IKZF2: variants seen among roughly 807,000 people sequenced by gnomAD.
IKZF2 encodes zinc finger protein Helios.
In IKZF2, 15 loss-of-function variants were observed where a neutral mutation model predicts 49.2. The ratio of observed to expected loss-of-function variants is 0.30; its 90% confidence interval spans 0.20 to 0.47. The LOEUF (loss-of-function observed/expected upper bound fraction) is 0.47, where lower values mean the gene tolerates loss of function less well. Ranked by LOEUF, IKZF2 falls within the 20% of genes least tolerant of loss-of-function variation. IKZF2 has a pLI of 1.00. For synonymous variants in IKZF2, 227 were observed against 221.4 expected, an observed-to-expected ratio of 1.03 and a Z score of -0.23; for missense variants, 567 against 664.6, an observed-to-expected ratio of 0.85 and a Z score of 1.61.
intron 6 of IKZF2, among the ~76,000 whole-genome samples, chr2:213,029,054 T>G (rs540572308): frequency 1.1e-4 from 17 of 152,184 alleles, no homozygotes; most frequent in Admixed American, 5.2e-4. Context: ...TTTTTATATA[T>G]TCCAGATTCA....
At chr2:213,150,721 A>AAGG (rs2061257009) in intron 1 of IKZF2, among the ~76,000 whole-genome samples, 1 of 83,802 alleles carries the variant, frequency 1.2e-5, no homozygotes, top group African/African-American at 4.9e-5. Context: ...GGGCGGGTAG[A>AAGG]GGGGAGGGAC....
chr2:213,016,746 G>T lies in IKZF2; in HGVS notation c.713-2812C>A, dbSNP rs541684286. ...CATTAGATCACTGTTTCATCACGTT[G>T]ATAACCATAACGGCAAAACCATAAG... On this transcript the variant is annotated intron_variant, in intron 7 of 8. Transcript: ENST00000434687. Among the ~76,000 whole-genome samples the T allele has an allele frequency of 1.3e-4, 20 of 152,188 alleles. No homozygotes were observed. In the South Asian group the frequency reaches 4.1e-3, roughly 32 times the overall value.
chr2:213,105,067 G>C (rs919327591), intron 4 of IKZF2, among the ~76,000 whole-genome samples: 1 of 152,022 alleles, frequency 6.6e-6, no homozygotes, highest in South Asian at 2.1e-4. Flanking sequence ...TCTCAAAGGA[G>C]CTCATTGCTT....
At chr2:213,076,556 G>A (rs1421227568) in intron 4 of IKZF2, among the ~76,000 whole-genome samples, 1 of 152,020 alleles carries the variant, frequency 6.6e-6, no homozygotes, top group Non-Finnish European at 1.5e-5. Context: ...AACTCCAAAC[G>A]TAAATTCATA....
intron 6 of IKZF2, among the ~76,000 whole-genome samples, chr2:213,023,098 C>T (rs1697404343): frequency 6.6e-6 from 1 of 152,144 alleles, no homozygotes; most frequent in Admixed American, 6.6e-5. Context: ...CCAAAGCCCT[C>T]AATAGTAAAG....
Position 213,007,131 on chromosome 2 carries a change from C to A in IKZF2, c.*229G>T, listed in dbSNP as rs1228509752. ...CTTAAATTCCCACAAAATAAACAAG[C>A]CAGGTGATAAAGAAACAATATTCCC... is the stretch of plus-strand genomic sequence containing the variant. On this transcript the variant is annotated 3_prime_UTR_variant, in exon 9 of 9. Coordinates refer to ENST00000434687, the MANE Select transcript of IKZF2 (RefSeq NM_001387220.1). 14 of 441,220 alleles carry A rather than the reference C, an allele frequency of 3.2e-5. No individual in the cohort carries two copies. In the East Asian group the frequency reaches 4.3e-4, roughly 14 times the overall value. 27.3% of individuals were successfully genotyped at this position (441,220 alleles called of 1,614,324 possible). A position where few individuals can be genotyped will look rare whatever the true frequency, so the allele number is the denominator to read the frequency against.
intron 1 of IKZF2, chr2:213,150,455 C>CCCTCCTCCTCCT (rs3217488): frequency 6.8e-4 from 126 of 186,310 alleles, no homozygotes; most frequent in South Asian, 4.4e-3. Context: ...AAGAACACCC[C>CCCTCCTCCTCCT]CCTCCTCCTC....
chr2:213,077,779 G>C (rs572484967), intron 4 of IKZF2, among the ~76,000 whole-genome samples: 23 of 151,702 alleles, frequency 1.5e-4, no homozygotes, highest in African/African-American at 5.6e-4. Context: ...TAGTAGAGAC[G>C]GGGTTTCACC....
intron 4 of IKZF2, among the ~76,000 whole-genome samples, chr2:213,122,871 C>T (rs933368937): frequency 3.3e-5 from 5 of 152,208 alleles, no homozygotes; most frequent in African/African-American, 1.2e-4. Flanking sequence ...TCAGCTCCTC[C>T]TCAAATGTTC....
At chr2:213,146,019 GA>G in intron 4 of IKZF2, among the ~76,000 whole-genome samples, 1 of 152,056 alleles carries the variant, frequency 6.6e-6, no homozygotes, top group East Asian at 1.9e-4. Flanking sequence ...ATCAAATTCA[GA>G]AATAAAGCAG....
intron 4 of IKZF2, among the ~76,000 whole-genome samples, chr2:213,086,751 G>T (rs1021349678): frequency 2.0e-5 from 3 of 152,158 alleles, no homozygotes; most frequent in Non-Finnish European, 4.4e-5. Flanking sequence ...ATGGGTAAAG[G>T]AATGGCACAT....
At chr2:213,025,162 C>T (rs1292703317) in intron 6 of IKZF2, among the ~76,000 whole-genome samples, 2 of 152,080 alleles carry the variant, frequency 1.3e-5, no homozygotes, top group Admixed American at 6.6e-5. Context: ...CCTGTTTTAG[C>T]GTCTGAGATC....
chr2:213,019,073 A>G (rs1299998228), intron 7 of IKZF2, among the ~76,000 whole-genome samples: 1 of 152,174 alleles, frequency 6.6e-6, no homozygotes, highest in African/African-American at 2.4e-5. Context: ...AGAATGTTCT[A>G]TATAACTTGG....
chr2:213,085,749 CTATT>C (rs1489337425), intron 4 of IKZF2, among the ~76,000 whole-genome samples: 4 of 152,180 alleles, frequency 2.6e-5, no homozygotes, highest in South Asian at 2.1e-4. Flanking sequence ...TGCATGCACT[CTATT>C]TAAGAACTAT....
intron 4 of IKZF2, among the ~76,000 whole-genome samples, chr2:213,086,678 C>T (rs1418057941): frequency 6.6e-6 from 1 of 152,134 alleles, no homozygotes; most frequent in African/African-American, 2.4e-5. Context: ...TACTCTCCAG[C>T]CTCCAAACAG....
intron 4 of IKZF2, among the ~76,000 whole-genome samples, chr2:213,129,744 G>A (rs1366877605): frequency 2.0e-5 from 3 of 152,140 alleles, no homozygotes; most frequent in Non-Finnish European, 4.4e-5. Context: ...CAGGAAGACC[G>A]GTTAAACTGT....
chr2:213,096,005 A>G (rs966421025), intron 4 of IKZF2, among the ~76,000 whole-genome samples: 2 of 151,984 alleles, frequency 1.3e-5, no homozygotes, highest in African/African-American at 4.8e-5. Flanking sequence ...TACAGTAACC[A>G]CTAAATATTA....
chr2:213,011,779 A>C (rs1306960510), intron 8 of IKZF2, among the ~76,000 whole-genome samples: 1 of 142,240 alleles, frequency 7.0e-6, no homozygotes, highest in Non-Finnish European at 1.6e-5. Context: ...AGCCTGTGGA[A>C]TTTTCTCCAA....
chr2:213,001,702 C>T lies in IKZF2; in HGVS notation c.*5658G>A, dbSNP rs1694919766. On this transcript the variant is annotated 3_prime_UTR_variant, in exon 9 of 9. Coordinates refer to ENST00000434687, the MANE Select transcript of IKZF2 (RefSeq NM_001387220.1). ...ACTTTTAGGAGAACAGAGAGGTAAA[C>T]ATCCATAGACAATGACAGAAGGGAG... The T allele has an allele frequency of 6.6e-6, 1 of 151,468 alleles. No homozygotes were observed. Among genetic ancestry groups the T allele is most frequent in the Non-Finnish European group, 1.5e-5 (1 of 67,392 alleles). 9.4% of individuals were successfully genotyped at this position (151,468 alleles called of 1,614,324 possible). A position where few individuals can be genotyped will look rare whatever the true frequency, so the allele number is the denominator to read the frequency against.
Sources: allele counts gnomAD v4.1 joint callset (sites outside exome capture counted in the v4.1 genomes callset), GRCh38; gene constraint gnomAD v4.1.1; transcripts MANE v1.5; gene names NCBI Gene and HGNC (gene_info 2026-07-23, HGNC 2026-07-21).